ADGRL4: variants seen among roughly 807,000 people sequenced by gnomAD.
ADGRL4 encodes the protein adhesion G protein-coupled receptor L4, also known as EGF, latrophilin and seven transmembrane domain containing 1.
Under a neutral mutation model 74.8 loss-of-function variants are expected in ADGRL4, and 90 were observed. The ratio of observed to expected loss-of-function variants is 1.20; its 90% CI spans 1.02 to 1.43. The LOEUF is 1.43. ADGRL4 is among the 40% of genes most tolerant of loss of function. ADGRL4 has a pLI of 0.00. For missense variants in ADGRL4, 881 were observed against 814.3 expected, an observed-to-expected ratio of 1.08 and a Z score of -1.00; for synonymous variants, 311 against 279.2, an observed-to-expected ratio of 1.11 and a Z score of -1.14.
intron 2 of ADGRL4, among the ~76,000 whole-genome samples, chr1:79,001,784 C>A (rs554136688): frequency 6.6e-6 from 1 of 151,956 alleles, no homozygotes; most frequent in Non-Finnish European, 1.5e-5. Flanking sequence ...GAAGGGGATA[C>A]GATAAATATT....
At chr1:78,900,610 T>A (rs572396354) in intron 12 of ADGRL4, among the ~76,000 whole-genome samples, 1 of 152,246 alleles carries the variant, frequency 6.6e-6, no homozygotes, top group Non-Finnish European at 1.5e-5. Flanking sequence ...CCTTTGCTGT[T>A]CTTGTGACAG....
chr1:78,908,689 C>T (rs1648694204), intron 12 of ADGRL4, among the ~76,000 whole-genome samples: 1 of 151,932 alleles, frequency 6.6e-6, no homozygotes. Flanking sequence ...TTCATCATAT[C>T]ATTATGTAAC....
chr1:78,899,546 G>C (rs1461731438), intron 12 of ADGRL4, among the ~76,000 whole-genome samples: 1 of 152,036 alleles, frequency 6.6e-6, no homozygotes, highest in Non-Finnish European at 1.5e-5. Context: ...GTAGAGATGG[G>C]GTTTCGCCAT....
At position 78,917,879 on chromosome 1, in the gene ADGRL4, C is replaced by T; in HGVS notation, c.1633G>A (p.Val545Ile). 11 of 1,612,670 alleles carry T rather than the reference C, an allele frequency of 6.8e-6. No individual in the cohort carries two copies. The highest frequency in any genetic ancestry group is 5.1e-6 in the Non-Finnish European group (6 of 1,179,120). Reference sequence around the variant, plus strand: ...TATCCTAGTGCTGCCGAAAATCCAACTACCACGGCTGGGCTTAGATAGCCA... The same window carrying T: ...TATCCTAGTGCTGCCGAAAATCCAATTACCACGGCTGGGCTTAGATAGCCA... ...IFGYLSPAVVVGFSAALGYRY... is the reference protein window; with the variant it reads ...IFGYLSPAVVIGFSAALGYRY... Residue 545 changes from valine to isoleucine, a missense_variant, in exon 11 of 15, where the codon GTT becomes ATT. Transcript: ENST00000370742.
intron 7 of ADGRL4, 101 bp downstream of exon 7, chr1:78,936,194 G>C: frequency 8.2e-7 from 1 of 1,226,290 alleles, no homozygotes. Context: ...TGTTTTTATA[G>C]GAAACCACAT....
intron 12 of ADGRL4, among the ~76,000 whole-genome samples, chr1:78,902,179 G>A (rs1420802567): frequency 6.6e-6 from 1 of 151,966 alleles, no homozygotes; most frequent in South Asian, 2.1e-4. Flanking sequence ...ATGAATAATC[G>A]CTCTGAGATA....
chr1:78,963,173 A>G (rs1022937957), intron 2 of ADGRL4, among the ~76,000 whole-genome samples: 2 of 152,204 alleles, frequency 1.3e-5, no homozygotes, highest in Non-Finnish European at 2.9e-5. Context: ...TCTTGATTTC[A>G]CCCAGGTATA....
intron 8 of ADGRL4, among the ~76,000 whole-genome samples, chr1:78,925,001 G>A (rs1649082806): frequency 6.6e-6 from 1 of 152,082 alleles, no homozygotes; most frequent in Non-Finnish European, 1.5e-5. Context: ...CAGTACCAAA[G>A]GGGAATGGTT....
Position 78,891,642 on chromosome 1 carries a change from C to G in ADGRL4, c.1892G>C (p.Trp631Ser). 11 of 1,613,166 alleles carry G rather than the reference C, an allele frequency of 6.8e-6. No homozygotes were observed. Among genetic ancestry groups the G allele is most frequent in the Non-Finnish European group, 9.3e-6 (11 of 1,179,570 alleles). Residue 631 changes from tryptophan (W) to serine (S), a missense_variant, in exon 14 of 15, where the codon TGG becomes TCG. Trp to Ser is a radical substitution (Grantham distance 177). Transcript: ENST00000370742. ...CACAACATGGAGAACCCCAAAGATC[C>G]AGGTGGTGCCGAGAAGGAACAGAAG... is the stretch of plus-strand genomic sequence containing the variant. ...LALLFLLGTT[W>S]IFGVLHVVHA...
At chr1:78,988,079 TAAAAG>T (rs1375228036) in intron 2 of ADGRL4, among the ~76,000 whole-genome samples, 2 of 151,802 alleles carry the variant, frequency 1.3e-5, no homozygotes, top group African/African-American at 2.4e-5. Flanking sequence ...ATAACATACT[TAAAAG>T]AAAAGCAATT....
chr1:78,978,575 A>T, intron 2 of ADGRL4, among the ~76,000 whole-genome samples: 1 of 151,444 alleles, frequency 6.6e-6, no homozygotes, highest in South Asian at 2.1e-4. Flanking sequence ...CAACAAAATG[A>T]TATGTTTTCC....
At chr1:78,920,698 C>CA (rs1193118013) in intron 9 of ADGRL4, among the ~76,000 whole-genome samples, 1 of 151,672 alleles carries the variant, frequency 6.6e-6, no homozygotes, top group Non-Finnish European at 1.5e-5. Flanking sequence ...ATTAGAAAGG[C>CA]AATCGATTAT....
intron 2 of ADGRL4, among the ~76,000 whole-genome samples, chr1:78,965,562 T>G (rs970810548): frequency 1.3e-5 from 2 of 152,212 alleles, no homozygotes; most frequent in African/African-American, 2.4e-5. Flanking sequence ...AACTAGAAAC[T>G]TCTTTTAAAT....
chr1:78,945,560 C>T (rs1299513761), intron 3 of ADGRL4, among the ~76,000 whole-genome samples: 1 of 152,044 alleles, frequency 6.6e-6, no homozygotes, highest in East Asian at 1.9e-4. Context: ...TATTTTTTCT[C>T]AGGCTGTAAT....
chr1:78,967,069 G>A (rs1275251771), intron 2 of ADGRL4, among the ~76,000 whole-genome samples: 3 of 152,020 alleles, frequency 2.0e-5, no homozygotes, highest in Non-Finnish European at 4.4e-5. Flanking sequence ...GAAGACAAGT[G>A]CTTGGATCAA....
intron 2 of ADGRL4, among the ~76,000 whole-genome samples, chr1:78,957,696 G>A (rs1434155780): frequency 6.6e-6 from 1 of 152,190 alleles, no homozygotes; most frequent in African/African-American, 2.4e-5. Flanking sequence ...AGTGCAAGAG[G>A]AGGCAGGAGG....
chr1:78,949,706 G>A (rs1441408041), intron 2 of ADGRL4, among the ~76,000 whole-genome samples: 1 of 151,960 alleles, frequency 6.6e-6, no homozygotes, highest in African/African-American at 2.4e-5. Flanking sequence ...TGCTTCTTGG[G>A]CACTCTTATT....
chr1:78,905,493 A>G (rs1648616370), intron 12 of ADGRL4, among the ~76,000 whole-genome samples: 1 of 152,002 alleles, frequency 6.6e-6, no homozygotes, highest in African/African-American at 2.4e-5. Flanking sequence ...CCAGAAAATA[A>G]CAATTTGAGG....
intron 6 of ADGRL4, 75 bp downstream of exon 6, chr1:78,937,732 C>T (rs538231396): frequency 7.1e-7 from 1 of 1,414,336 alleles, no homozygotes; most frequent in Non-Finnish European, 9.7e-7. Context: ...ACCATGCCTC[C>T]TAACCCCACC....
Sources: allele counts gnomAD v4.1 joint callset (sites outside exome capture counted in the v4.1 genomes callset), GRCh38; gene constraint gnomAD v4.1.1; transcripts MANE v1.5; gene names NCBI Gene and HGNC (gene_info 2026-07-23, HGNC 2026-07-21).